BBX: variants seen among roughly 807,000 people sequenced by gnomAD.
The protein encoded by BBX is HMG box transcription factor BBX.
Under a neutral mutation model 100.2 loss-of-function variants are expected in BBX, and 30 were observed. The ratio of observed to expected loss-of-function variants is 0.30; its 90% CI spans 0.22 to 0.41. The LOEUF is 0.41. Among genes scored for constraint, BBX ranks in the 10% least tolerant of loss-of-function variants. The pLI is 1.00. For synonymous variants in BBX, 376 were observed against 388.1 expected, an observed-to-expected ratio of 0.97 and a Z score of 0.37; for missense variants, 1,023 against 1,129.8, an observed-to-expected ratio of 0.91 and a Z score of 1.35.
chr3:107,618,523 A>G (rs2055475944), intron 2 of BBX, among the ~76,000 whole-genome samples: 1 of 152,064 alleles, frequency 6.6e-6, no homozygotes, highest in Non-Finnish European at 1.5e-5. Context: ...TGTTTCAAAA[A>G]AAGTATTTAG....
chr3:107,758,088 C>T (rs2065626909), intron 10 of BBX, among the ~76,000 whole-genome samples: 1 of 152,144 alleles, frequency 6.6e-6, no homozygotes, highest in Admixed American at 6.6e-5. Flanking sequence ...AATATTTTGC[C>T]TTTTCTCTGT....
intron 2 of BBX, among the ~76,000 whole-genome samples, chr3:107,576,907 CT>C (rs2051825287): frequency 6.6e-6 from 1 of 152,028 alleles, no homozygotes; most frequent in South Asian, 2.1e-4. Flanking sequence ...TGTCTCCAGG[CT>C]GTAGTGCATT....
chr3:107,791,639 A>G (rs2069051235), intron 15 of BBX, among the ~76,000 whole-genome samples: 1 of 152,148 alleles, frequency 6.6e-6, no homozygotes, highest in Admixed American at 6.5e-5. Context: ...TGGAATAACA[A>G]CCTGGTTGGC....
At chr3:107,619,491 C>T (rs961982916) in intron 2 of BBX, among the ~76,000 whole-genome samples, 1 of 151,986 alleles carries the variant, frequency 6.6e-6, no homozygotes, top group Non-Finnish European at 1.5e-5. Flanking sequence ...CTGTAAAATT[C>T]AAGAGAAGGA....
intron 5 of BBX, among the ~76,000 whole-genome samples, chr3:107,726,551 G>T (rs1281825816): frequency 1.3e-5 from 2 of 152,004 alleles, no homozygotes; most frequent in East Asian, 3.9e-4. Context: ...GTTACAGAGT[G>T]TTGACCCTCA....
At chr3:107,671,485 A>G (rs1300345151) in intron 3 of BBX, among the ~76,000 whole-genome samples, 1 of 152,072 alleles carries the variant, frequency 6.6e-6, no homozygotes, top group Non-Finnish European at 1.5e-5. Flanking sequence ...AGATTGACCT[A>G]ACAAGGGCTA....
At chr3:107,615,302 G>T (rs1474593553) in intron 2 of BBX, among the ~76,000 whole-genome samples, 1 of 152,168 alleles carries the variant, frequency 6.6e-6, no homozygotes, top group Non-Finnish European at 1.5e-5. Context: ...GCATTGGATG[G>T]TAATACTGAC....
chr3:107,563,593 A>C (rs1396200538), intron 2 of BBX, among the ~76,000 whole-genome samples: 3 of 152,138 alleles, frequency 2.0e-5, no homozygotes, highest in African/African-American at 7.2e-5. Context: ...ACATGAATAC[A>C]TTTTTTTGTG....
chr3:107,735,744 G>T (rs1326629555), intron 7 of BBX, among the ~76,000 whole-genome samples: 3 of 151,958 alleles, frequency 2.0e-5, no homozygotes, highest in South Asian at 2.1e-4. Flanking sequence ...TTTTTAGAGA[G>T]AAATTATAAT....
chr3:107,771,127 G>A (rs1354220813), intron 10 of BBX, among the ~76,000 whole-genome samples: 1 of 152,046 alleles, frequency 6.6e-6, no homozygotes, highest in African/African-American at 2.4e-5. Context: ...TGCTGCCCTT[G>A]ACCAAATCGG....
chr3:107,616,562 T>A (rs939856844), intron 2 of BBX, among the ~76,000 whole-genome samples: 2 of 152,104 alleles, frequency 1.3e-5, no homozygotes, highest in Admixed American at 1.3e-4. Context: ...TATCGTTTTT[T>A]GTGTGTGTGT....
intron 2 of BBX, among the ~76,000 whole-genome samples, chr3:107,574,189 T>C (rs2051595913): frequency 6.6e-6 from 1 of 152,240 alleles, no homozygotes; most frequent in Non-Finnish European, 1.5e-5. Context: ...ATTATATCAT[T>C]TATTCTTCTG....
intron 3 of BBX, among the ~76,000 whole-genome samples, chr3:107,660,146 A>G (rs922692940): frequency 6.6e-6 from 1 of 152,124 alleles, no homozygotes; most frequent in Admixed American, 6.6e-5. Context: ...TGTGATATAT[A>G]TAGTATCACT....
At chr3:107,570,421 A>G (rs1156904194) in intron 2 of BBX, among the ~76,000 whole-genome samples, 1 of 152,202 alleles carries the variant, frequency 6.6e-6, no homozygotes, top group Non-Finnish European at 1.5e-5. Context: ...CTAGGGCTAT[A>G]AAGCATCTCA....
At chr3:107,631,960 G>T (rs1475002729) in intron 2 of BBX, among the ~76,000 whole-genome samples, 1 of 152,152 alleles carries the variant, frequency 6.6e-6, no homozygotes, top group Non-Finnish European at 1.5e-5. Context: ...TTTGAAAATG[G>T]TTTTCAGAAT....
At chr3:107,734,007 GA>G (rs951403654) in intron 7 of BBX, among the ~76,000 whole-genome samples, 1 of 152,060 alleles carries the variant, frequency 6.6e-6, no homozygotes, top group African/African-American at 2.4e-5. Context: ...TTTTGAGATG[GA>G]AATTTTTCAA....
Position 107,801,550 on chromosome 3 carries a change from A to G in BBX, c.2738+269A>G, listed in dbSNP as rs1484026387. On this transcript the variant is annotated intron_variant, in intron 17 of 17. Transcript: ENST00000325805. ...AGCCTGAGAGCAGGGAAGCAGTATT[A>G]TCTGACCAATGAGCTTTGGAGTCCC... 2.0e-5 allele frequency among the ~76,000 whole-genome samples: 3 copies of G among 152,222 alleles called. No homozygotes were observed. The East Asian group carries it at 5.8e-4, about 29-fold the overall frequency.
chr3:107,543,487 T>TA, intron 2 of BBX, among the ~76,000 whole-genome samples: 1 of 152,238 alleles, frequency 6.6e-6, no homozygotes, highest in East Asian at 1.9e-4. Flanking sequence ...CTATAGGTAA[T>TA]ACATTATGCA....
In BBX at chr3:107,710,493, A is replaced by G. The variant is rs1298271757; in HGVS notation, c.33A>G (p.Ser11=). The G allele has an allele frequency of 6.2e-7, 1 of 1,613,792 alleles. No individual in the cohort carries two copies. Among genetic ancestry groups the G allele is most frequent in the Non-Finnish European group, 8.5e-7 (1 of 1,179,776 alleles). MKGSNRNKDH[S]AEGEGVGKRP... is the part of the protein sequence containing the mutation. ...GCAGTAATAGAAATAAGGATCATTC[A>G]GCAGAAGGAGAAGGGGTTGGAAAAC... The change falls in exon 4 of 18, where the codon TCA becomes TCG. Residue 11 remains serine (S), a synonymous_variant. Transcript: ENST00000325805.
Sources: allele counts gnomAD v4.1 joint callset (sites outside exome capture counted in the v4.1 genomes callset), GRCh38; gene constraint gnomAD v4.1.1; transcripts MANE v1.5; gene names NCBI Gene and HGNC (gene_info 2026-07-23, HGNC 2026-07-21).